GCSAML: variants seen among roughly 807,000 people sequenced by gnomAD.
GCSAML encodes the protein germinal center-associated signaling and motility-like protein.
A neutral mutation model predicts 13.0 loss-of-function variants in GCSAML; 9 were observed. That is an observed-to-expected ratio of 0.69 (90% CI 0.42 to 1.21). The LOEUF is 1.21. Among genes scored for constraint, GCSAML ranks in the 50% most tolerant of loss-of-function variants. GCSAML has a pLI of 0.00. For missense variants in GCSAML, 143 were observed against 153.4 expected, an observed-to-expected ratio of 0.93 and a Z score of 0.36; for synonymous variants, 37 against 52.9, an observed-to-expected ratio of 0.70 and a Z score of 1.31.
intron 1 of GCSAML, among the ~76,000 whole-genome samples, chr1:247,511,090 G>T (rs6667471): frequency 0.25 from 37,507 of 151,952 alleles, 5,068 homozygotes; most frequent in Middle Eastern, 0.38. Context: ...TGACAGTGAG[G>T]TGTTAAAGTC....
intron 1 of GCSAML, among the ~76,000 whole-genome samples, chr1:247,554,434 G>A (rs1286400800): frequency 6.6e-6 from 1 of 151,806 alleles, no homozygotes; most frequent in Non-Finnish European, 1.5e-5. Context: ...TCTAAGATTT[G>A]GTTCCCTATC....
intron 2 of GCSAML, chr1:247,532,162 G>A (rs1246511094): frequency 6.2e-7 from 1 of 1,614,058 alleles, no homozygotes; most frequent in Non-Finnish European, 8.5e-7. Context: ...GGACATGGTG[G>A]CCAGCAGGAC....
chr1:247,559,039 A>G (rs1490065531), intron 2 of GCSAML, among the ~76,000 whole-genome samples: 1 of 152,182 alleles, frequency 6.6e-6, no homozygotes, highest in East Asian at 1.9e-4. Flanking sequence ...TAGCCTTAAA[A>G]TACTACAATT....
intron 1 of GCSAML, among the ~76,000 whole-genome samples, chr1:247,523,376 A>G (rs1666528270): frequency 6.6e-6 from 1 of 152,226 alleles, no homozygotes; most frequent in Admixed American, 6.5e-5. Flanking sequence ...ATTTCTCATT[A>G]CTTAAGTCTC....
chr1:247,524,161 A>G (rs1330563049), intron 1 of GCSAML, among the ~76,000 whole-genome samples: 1 of 152,180 alleles, frequency 6.6e-6, no homozygotes, highest in African/African-American at 2.4e-5. Flanking sequence ...CATGCCCTTT[A>G]CTTCTTCCAA....
intron 1 of GCSAML, among the ~76,000 whole-genome samples, chr1:247,512,822 C>G (rs369281453): frequency 1.3e-5 from 2 of 152,262 alleles, no homozygotes; most frequent in East Asian, 3.9e-4. Context: ...TCCTGTTTGC[C>G]TGGTTATCAC....
At chr1:247,547,633 A>G (rs1667625823), upstream of GCSAML, among the ~76,000 whole-genome samples, 1 of 152,228 alleles carries the variant, frequency 6.6e-6, no homozygotes, top group Non-Finnish European at 1.5e-5. Context: ...AGCAGGTTTT[A>G]GGTGGATCTT....
intron 1 of GCSAML, among the ~76,000 whole-genome samples, chr1:247,523,714 C>T (rs1666539082): frequency 6.6e-6 from 1 of 152,002 alleles, no homozygotes; most frequent in Non-Finnish European, 1.5e-5. Flanking sequence ...ATAGTGACAA[C>T]CATGAAAAGT....
rs751442863 is a variant in GCSAML, at chr1:247,532,549, A to G, written c.-148+5495A>G. 1.9e-6 allele frequency: 3 copies of G among 1,597,428 alleles called. No individual in the cohort carries two copies. In the Admixed American group the frequency reaches 5.1e-5, roughly 27 times the overall value. The stretch of plus-strand genomic sequence containing the variant: ...GTGGGGCAAAAGGCCACCTGTGGGA[A>G]GAGCACAGGGCATACAGGGCATGAG... On this transcript the variant is annotated intron_variant, in intron 2 of 5. Coordinates refer to the GCSAML transcript ENST00000366489.
intron 1 of GCSAML, among the ~76,000 whole-genome samples, chr1:247,510,495 T>C (rs1018190757): frequency 6.6e-6 from 1 of 152,198 alleles, no homozygotes; most frequent in African/African-American, 2.4e-5. Flanking sequence ...TTTTCGTGTC[T>C]CTATCTCCTT....
intron 1 of GCSAML, among the ~76,000 whole-genome samples, chr1:247,509,313 T>C (rs1424006025): frequency 3.3e-5 from 5 of 152,226 alleles, no homozygotes; most frequent in Admixed American, 6.5e-5. Context: ...TGTTTGTCTA[T>C]TATTGGTGTA....
intron 2 of GCSAML, chr1:247,532,594 G>T: frequency 8.0e-7 from 1 of 1,247,974 alleles, no homozygotes; most frequent in Non-Finnish European, 1.1e-6. Context: ...AATTACATCA[G>T]TTAGCAAACA....
At chr1:247,565,982 G>T (rs1668338600) in intron 4 of GCSAML, 23 bp downstream of exon 4, 4 of 1,512,208 alleles carry the variant, frequency 2.6e-6, no homozygotes, top group Non-Finnish European at 3.5e-6. Context: ...CAAAAAGCAA[G>T]ACAAAAGAAA....
intron 2 of GCSAML, among the ~76,000 whole-genome samples, chr1:247,559,727 C>T (rs900121819): frequency 2.0e-5 from 3 of 152,174 alleles, no homozygotes; most frequent in African/African-American, 7.2e-5. Flanking sequence ...CTGAGATCAA[C>T]ATGTTGGCAG....
chr1:247,560,499 T>C (rs866418402), intron 2 of GCSAML, among the ~76,000 whole-genome samples: 2 of 152,112 alleles, frequency 1.3e-5, no homozygotes, highest in Non-Finnish European at 2.9e-5. Context: ...TTTACATACA[T>C]TTTCCCCATG....
chr1:247,566,108 A>G (rs1289415662), intron 4 of GCSAML, 149 bp downstream of exon 4: 2 of 577,848 alleles, frequency 3.5e-6, no homozygotes, highest in Non-Finnish European at 5.8e-6. Flanking sequence ...GAAATCATTC[A>G]TATTTTAAAT....
chr1:247,510,822 A>G (rs1666011925), intron 1 of GCSAML, among the ~76,000 whole-genome samples: 1 of 152,150 alleles, frequency 6.6e-6, no homozygotes, highest in South Asian at 2.1e-4. Flanking sequence ...TGAGTTTCCT[A>G]ATCCTGAGTT....
In GCSAML at chr1:247,571,576, G is replaced by A. The variant is rs556506232; in HGVS notation, c.169-2567G>A. Among the ~76,000 whole-genome samples the A allele has an allele frequency of 3.9e-5, 6 of 152,314 alleles. No individual in the cohort carries two copies. In the South Asian group the frequency reaches 1.0e-3, roughly 26 times the overall value. ...GTTTCTGCAGAGAGATCCGCCATTA[G>A]TCTGATGGGCTTCCCTTTGTGGGTA... is the stretch of plus-strand genomic sequence containing the variant. On this transcript the variant is annotated intron_variant, in intron 4 of 4. Coordinates refer to ENST00000366488, the MANE Select transcript of GCSAML (RefSeq NM_145278.5).
Position 247,574,581 on chromosome 1 carries a change from A to T in GCSAML, c.*199A>T, listed in dbSNP as rs1668762756. ...TAGGTGAAATCATAGAAATTGACACAATGACCTAAAATATTCTATGTGTTT... is the reference window on the plus strand; with the variant it reads ...TAGGTGAAATCATAGAAATTGACACTATGACCTAAAATATTCTATGTGTTT... On this transcript the variant is annotated 3_prime_UTR_variant, in exon 5 of 5. Transcript: ENST00000366488. 3.4e-6 allele frequency: 2 copies of T among 583,434 alleles called. No homozygotes were observed. Among genetic ancestry groups the T allele is most frequent in the Non-Finnish European group, 5.9e-6 (2 of 339,676 alleles). The allele number at this position is 583,434 out of a possible 1,614,324, so 36.1% of individuals were successfully genotyped here.
Sources: allele counts gnomAD v4.1 joint callset (sites outside exome capture counted in the v4.1 genomes callset), GRCh38; gene constraint gnomAD v4.1.1; transcripts MANE v1.5; gene names NCBI Gene and HGNC (gene_info 2026-07-23, HGNC 2026-07-21).